The following PPARGC1A variants were observed in gnomAD, a reference collection of about 807,000 sequenced individuals.
PPARGC1A encodes peroxisome proliferator-activated receptor gamma coactivator 1-alpha.
A neutral mutation model predicts 88.7 loss-of-function variants in PPARGC1A; 25 were observed. The observed-to-expected ratio is 0.28, with a 90% CI of 0.21 to 0.39. The LOEUF (loss-of-function observed/expected upper bound fraction) is 0.39. Among genes scored for constraint, PPARGC1A ranks in the 10% least tolerant of loss-of-function variants. The pLI is 1.00. For missense variants in PPARGC1A, 880 were observed against 968.7 expected, an observed-to-expected ratio of 0.91 and a Z score of 1.22; for synonymous variants, 363 against 355.6, an observed-to-expected ratio of 1.02 and a Z score of -0.24.
the PPARGC1A span, among the ~76,000 whole-genome samples, chr4:24,438,075 C>T: frequency 2.0e-5 from 3 of 152,116 alleles, no homozygotes; most frequent in South Asian, 4.1e-4. Flanking sequence ...AGCAAGAGGA[C>T]ACAGCAGAGT....
At chr4:24,393,047 A>G in the PPARGC1A span, among the ~76,000 whole-genome samples, 2 of 102,474 alleles carry the variant, frequency 2.0e-5, no homozygotes, top group East Asian at 6.4e-4. Flanking sequence ...ACACACACAC[A>G]CCCCTTTTTC....
At chr4:23,920,060 A>G in the PPARGC1A span, among the ~76,000 whole-genome samples, 3 of 152,264 alleles carry the variant, frequency 2.0e-5, no homozygotes, top group Non-Finnish European at 4.4e-5. Context: ...AGGTCCACGT[A>G]GGAGCAAATG....
chr4:24,323,479 C>T, the PPARGC1A span, among the ~76,000 whole-genome samples: 1 of 152,218 alleles, frequency 6.6e-6, no homozygotes, highest in Non-Finnish European at 1.5e-5. Context: ...GTTTCCTTCT[C>T]CTGGCTCAGA....
At chr4:23,942,356 A>G in the PPARGC1A span, among the ~76,000 whole-genome samples, 1 of 152,254 alleles carries the variant, frequency 6.6e-6, no homozygotes, top group East Asian at 1.9e-4. Flanking sequence ...ATGATTCCCA[A>G]TATTCTTGTC....
chr4:24,252,794 G>A, the PPARGC1A span, among the ~76,000 whole-genome samples: 3 of 152,106 alleles, frequency 2.0e-5, no homozygotes, highest in Admixed American at 6.5e-5. Flanking sequence ...TGTTATCATC[G>A]TTTTGTAGGA....
intron 12 of PPARGC1A, 143 bp downstream of exon 12, chr4:23,801,587 G>T: frequency 1.1e-6 from 1 of 949,432 alleles, no homozygotes; most frequent in Non-Finnish European, 1.6e-6. Flanking sequence ...TGTCTTATAC[G>T]TTTTTCTTAA....
At chr4:24,115,917 A>C in the PPARGC1A span, among the ~76,000 whole-genome samples, 1 of 152,114 alleles carries the variant, frequency 6.6e-6, no homozygotes, top group Non-Finnish European at 1.5e-5. Flanking sequence ...CACATCCAAG[A>C]AATTTACTTA....
At chr4:24,313,995 AAC>A in the PPARGC1A span, among the ~76,000 whole-genome samples, 8 of 152,254 alleles carry the variant, frequency 5.3e-5, no homozygotes, top group South Asian at 2.1e-4. Context: ...TCAAAATCAT[AAC>A]AGTTTGAATT....
chr4:23,812,893 G>T, intron 9 of PPARGC1A, 26 bp from the exon 10 acceptor site: 1 of 1,613,854 alleles, frequency 6.2e-7, no homozygotes. Context: ...TTATCACTAA[G>T]TCAACCACCT....
At chr4:23,804,124 C>T (rs1324233601) in intron 10 of PPARGC1A, among the ~76,000 whole-genome samples, 1 of 152,140 alleles carries the variant, frequency 6.6e-6, no homozygotes, top group African/African-American at 2.4e-5. Context: ...AATCAACTGT[C>T]TACTTGACAT....
chr4:24,195,052 G>T, the PPARGC1A span, among the ~76,000 whole-genome samples: 1 of 152,112 alleles, frequency 6.6e-6, no homozygotes, highest in Admixed American at 6.6e-5. Flanking sequence ...ATATATATCT[G>T]TATAGATACA....
the PPARGC1A span, among the ~76,000 whole-genome samples, chr4:24,252,549 G>T: frequency 6.6e-6 from 1 of 152,054 alleles, no homozygotes; most frequent in Non-Finnish European, 1.5e-5. Flanking sequence ...TTTCTTTTTA[G>T]CTTTAGAACA....
the PPARGC1A span, among the ~76,000 whole-genome samples, chr4:24,127,558 C>T: frequency 3.3e-5 from 5 of 151,632 alleles, no homozygotes; most frequent in Non-Finnish European, 7.4e-5. Flanking sequence ...CACGTGCGCG[C>T]GTGTGGATAT....
upstream of PPARGC1A, chr4:23,904,034 G>A: frequency 1.0e-6 from 1 of 982,962 alleles, no homozygotes; most frequent in Non-Finnish European, 1.2e-6. Context: ...CAACATGTGT[G>A]TCATTCATTT....
At position 23,844,725 on chromosome 4, in the gene PPARGC1A, T is replaced by TATAATATATATATATTATA; in HGVS notation, c.235-12975_235-12974insTATAATATATATATATTAT. Among the ~76,000 whole-genome samples, 124 of 90,514 alleles carry TATAATATATATATATTATA rather than the reference T, an allele frequency of 1.4e-3. 2 individuals carry two copies. The highest frequency in any genetic ancestry group is 3.9e-3 in the African/African-American group (80 of 20,308). 59.4% of individuals were successfully genotyped at this position (90,514 alleles called of 152,430 possible). ...TATCATAATATATGATATATATTAT[T>TATAATATATATATATTATA]ATAATATATGATATATCATAATATA... is the stretch of plus-strand genomic sequence containing the variant. On this transcript the variant is annotated intron_variant, in intron 2 of 12. Transcript: ENST00000264867.
At chr4:24,128,317 T>C in the PPARGC1A span, among the ~76,000 whole-genome samples, 1 of 152,176 alleles carries the variant, frequency 6.6e-6, no homozygotes, top group African/African-American at 2.4e-5. Context: ...ATACGGAGTG[T>C]TGTGTAAAAT....
the PPARGC1A span, among the ~76,000 whole-genome samples, chr4:24,022,709 G>A: frequency 8.5e-4 from 129 of 152,306 alleles, no homozygotes; most frequent in African/African-American, 2.9e-3. Flanking sequence ...CAGAGTCCCG[G>A]GCAATAAGGA....
the PPARGC1A span, among the ~76,000 whole-genome samples, chr4:24,192,033 G>C: frequency 6.6e-6 from 1 of 152,118 alleles, no homozygotes; most frequent in Non-Finnish European, 1.5e-5. Flanking sequence ...ATCTGAACTT[G>C]TATCCCACCT....
chr4:24,269,862 T>G, the PPARGC1A span, among the ~76,000 whole-genome samples: 2 of 152,328 alleles, frequency 1.3e-5, no homozygotes, highest in African/African-American at 4.8e-5. Flanking sequence ...GCTCTTAAAC[T>G]TCTGGGTCTC....
Sources: gnomAD v4.1 joint callset for allele counts (sites outside exome capture counted in the v4.1 genomes callset) on GRCh38, gnomAD v4.1.1 for gene constraint, MANE v1.5 for transcripts, NCBI Gene and HGNC (gene_info 2026-07-23, HGNC 2026-07-21) for gene names.